POLE2: variants seen among roughly 807,000 people sequenced by gnomAD.
POLE2 encodes the protein DNA polymerase epsilon subunit 2.
Under a neutral mutation model 79.4 loss-of-function variants are expected in POLE2, and 56 were observed. That is an observed-to-expected ratio of 0.71 (90% CI 0.57 to 0.88). The LOEUF is 0.88. POLE2 is among the 40% of genes least tolerant of loss of function. POLE2 has a pLI of 0.00. For synonymous variants in POLE2, 212 were observed against 214.0 expected (o/e 0.99, Z 0.08); for missense variants, 598 against 638.9 (o/e 0.94, Z 0.69).
In POLE2 at chr14:49,646,104, G is replaced by C. The variant is rs1416908300; in HGVS notation, c.1565+1189C>G. ...CAGCGTAGACAAGTGGGCTGGAAAA[G>C]AGCCACAGCGTCTGGCCTCCTTTTT... On this transcript the variant is annotated intron_variant, in intron 18 of 18. Coordinates refer to ENST00000216367, the MANE Select transcript of POLE2 (RefSeq NM_002692.4). 7.9e-5 allele frequency among the ~76,000 whole-genome samples: 12 copies of C among 152,234 alleles called. No homozygotes were observed. In the East Asian group the frequency reaches 2.3e-3, roughly 29 times the overall value.
chr14:49,674,097 T>C lies in POLE2; in HGVS notation c.417+26A>G, dbSNP rs753579328. On this transcript the variant is annotated intron_variant, in intron 5 of 18. Transcript: ENST00000216367. ...TTTTCTCTCATTTTACCCAGTATCCTCCCCTCCGCCCCCTACCAAACTTAC... is the reference window on the plus strand; with the variant it reads ...TTTTCTCTCATTTTACCCAGTATCCCCCCCTCCGCCCCCTACCAAACTTAC... The C allele has an allele frequency of 3.2e-6, 4 of 1,262,320 alleles. No individual in the cohort carries two copies. The Admixed American group carries it at 6.7e-5, about 21-fold the overall frequency. The allele number at this position is 1,262,320 out of a possible 1,614,324, so 78.2% of individuals were successfully genotyped here.
chr14:49,647,507 G>A (rs1295707383), intron 17 of POLE2, 147 bp from the exon 18 acceptor site: 13 of 282,026 alleles, frequency 4.6e-5, no homozygotes, highest in Non-Finnish European at 4.0e-5. Context: ...CACCCAGGCT[G>A]GAGTGCAGTG....
rs375367807 is a variant in POLE2, at chr14:49,674,333, G to A, written c.323+17C>T. ...TACATTTGAAATTAATTTAAAATCA[G>A]TGGATGACATACTTACGGAAGAAAT... On this transcript the variant is annotated intron_variant, in intron 4 of 18. Transcript: ENST00000216367. 72 of 1,547,624 alleles carry A rather than the reference G, an allele frequency of 4.7e-5. No homozygotes were observed. Among genetic ancestry groups the A allele is most frequent in the African/African-American group, 4.4e-4 (32 of 73,476 alleles).
chr14:49,665,682 T>G (rs1443497897), intron 7 of POLE2, among the ~76,000 whole-genome samples: 1 of 150,278 alleles, frequency 6.7e-6, no homozygotes, highest in African/African-American at 2.4e-5. Context: ...TCTGGGTTTT[T>G]TTTTTTTTTT....
intron 18 of POLE2, among the ~76,000 whole-genome samples, chr14:49,644,957 G>A (rs1004865139): frequency 1.3e-5 from 2 of 150,564 alleles, no homozygotes; most frequent in African/African-American, 2.4e-5. Context: ...CAGGAGAATC[G>A]CTTGAACCCA....
At chr14:49,649,213 C>G (rs1884009205) in intron 17 of POLE2, among the ~76,000 whole-genome samples, 1 of 125,274 alleles carries the variant, frequency 8.0e-6, no homozygotes, top group Non-Finnish European at 1.6e-5. Context: ...GTGGCGCGAT[C>G]TTGGCTCACT....
chr14:49,646,628 T>C lies in POLE2; in HGVS notation c.1565+665A>G, dbSNP rs535462960. On this transcript the variant is annotated intron_variant, in intron 18 of 18. Transcript: ENST00000216367. ...GAGCCACCGTGCCCTGCCTGGGCAC[T>C]TGTTCTTAACCAGTGGTGGGAACTT... The C allele has an allele frequency of 2.0e-5, 3 of 152,326 alleles. 1 individual carries two copies. In the South Asian group the frequency reaches 6.2e-4, roughly 32 times the overall value. 9.4% of individuals were successfully genotyped at this position (152,326 alleles called of 1,614,324 possible).
Position 49,650,359 on chromosome 14 carries a change from G to T in POLE2, c.1403C>A (p.Ala468Asp), listed in dbSNP as rs61981149. 2 of 1,609,804 alleles carry T rather than the reference G, an allele frequency of 1.2e-6. No homozygotes were observed. The highest frequency in any genetic ancestry group is 1.7e-6 in the Non-Finnish European group (2 of 1,177,102). ...VCPVYWAYDY[A>D]LRVYPVPDLL... ...ATCGGGCACAGGATACACTCTCAAA[G>T]CATAGTCATATGCCCAATACACTGG... The change falls in exon 17 of 19, where the codon GCT (alanine) becomes GAT (aspartate). Residue 468 changes from alanine to aspartate, a missense_variant. Physicochemically the swap from Ala to Asp is moderately radical, Grantham distance 126. Transcript: ENST00000216367.
intron 5 of POLE2, among the ~76,000 whole-genome samples, chr14:49,673,155 C>G (rs1416876834): frequency 6.6e-6 from 1 of 152,102 alleles, no homozygotes. Context: ...TGCCCTCATT[C>G]TACACCCCTT....
intron 10 of POLE2, among the ~76,000 whole-genome samples, chr14:49,659,364 A>T (rs1156997674): frequency 1.3e-5 from 2 of 152,056 alleles, no homozygotes; most frequent in Admixed American, 1.3e-4. Context: ...TAATCATATC[A>T]CTGCATTCCA....
Position 49,645,413 on chromosome 14 carries a change from A to G in POLE2, c.1566-1743T>C, listed in dbSNP as rs1883693788. The stretch of plus-strand genomic sequence containing the variant: ...GGCTTCTTAGGAGAAACTAAGTGGC[A>G]AGAAGGCCAGATTATTTCAATATAT... On this transcript the variant is annotated intron_variant, in intron 18 of 18. Transcript: ENST00000216367. Among the ~76,000 whole-genome samples, 3 of 152,378 alleles carry G rather than the reference A, an allele frequency of 2.0e-5. No homozygotes were observed. The South Asian group carries it at 6.2e-4, about 32-fold the overall frequency.
At chr14:49,649,363 GT>G (rs2139606348) in intron 17 of POLE2, among the ~76,000 whole-genome samples, 2 of 151,038 alleles carry the variant, frequency 1.3e-5, no homozygotes, top group East Asian at 3.9e-4. Flanking sequence ...AGCCAGGATG[GT>G]CTCGATCTCC....
intron 13 of POLE2, 126 bp downstream of exon 13, chr14:49,654,658 C>T (rs1884518215): frequency 1.8e-6 from 2 of 1,125,666 alleles, no homozygotes; most frequent in Non-Finnish European, 2.4e-6. Flanking sequence ...TCTCTTAGTT[C>T]TTTTAATTTT....
intron 10 of POLE2, among the ~76,000 whole-genome samples, chr14:49,662,294 C>G (rs1885152321): frequency 6.6e-6 from 1 of 152,244 alleles, no homozygotes; most frequent in Admixed American, 6.5e-5. Context: ...CATACTAAAA[C>G]TAAAATCCTT....
Position 49,664,661 on chromosome 14 carries a change from C to G in POLE2, c.647G>C (p.Gly216Ala), listed in dbSNP as rs920066811. ...GACAAAGCATGCCTCTGTGTATAAA[C>G]CACTATGGAACTGGTACACAACAGT... The part of the protein sequence containing the change: ...LDLSKAQFHS[G>A]LYTEACFVLA... Residue 216 changes from glycine to alanine, a missense_variant, in exon 9 of 19, where the codon GGT becomes GCT. Transcript: ENST00000216367. 9 of 1,591,180 alleles carry G rather than the reference C, an allele frequency of 5.7e-6. No individual in the cohort carries two copies. Among genetic ancestry groups the G allele is most frequent in the Non-Finnish European group, 7.8e-6 (9 of 1,159,438 alleles).
chr14:49,666,236 A>C lies in POLE2; in HGVS notation c.576+94T>G, dbSNP rs552905346. 27 of 688,090 alleles carry C rather than the reference A, an allele frequency of 3.9e-5. No homozygotes were observed. The South Asian group carries it at 4.2e-4, about 11-fold the overall frequency. 42.6% of individuals were successfully genotyped at this position (688,090 alleles called of 1,614,324 possible). On this transcript the variant is annotated intron_variant, in intron 7 of 18. Coordinates refer to ENST00000216367, the MANE Select transcript of POLE2 (RefSeq NM_002692.4). ...TTGGTGAGGCGAGTTTTCAATAAAG[A>C]ATACATTCCTGTGCCCACTACAAAA...
chr14:49,654,079 A>G lies in POLE2; in HGVS notation c.1134-12T>C. 5 of 1,591,710 alleles carry G rather than the reference A, an allele frequency of 3.1e-6. No homozygotes were observed. Among genetic ancestry groups the G allele is most frequent in the Non-Finnish European group, 4.3e-6 (5 of 1,160,828 alleles). ...CAGCAAGTGGTGGCCTATAAAAACA[A>G]TTTATGTGATATAGTTTATCTTTTT... On this transcript the variant is annotated splice_polypyrimidine_tract_variant and intron_variant, in intron 14 of 18. Transcript: ENST00000216367.
intron 3 of POLE2, among the ~76,000 whole-genome samples, chr14:49,675,096 T>C (rs963484949): frequency 1.3e-5 from 2 of 151,984 alleles, no homozygotes; most frequent in Admixed American, 1.3e-4. Flanking sequence ...GTATTTTTTT[T>C]TTTTTGAGAC....
At chr14:49,688,004 T>C (rs991691076) in intron 1 of POLE2, 132 bp downstream of exon 1, 2 of 741,584 alleles carry the variant, frequency 2.7e-6, no homozygotes, top group Admixed American at 4.9e-5. Flanking sequence ...GACCGCTTCT[T>C]AGAACTCTGA....
Sources: gnomAD v4.1 joint callset for allele counts (sites outside exome capture counted in the v4.1 genomes callset) on GRCh38, gnomAD v4.1.1 for gene constraint, MANE v1.5 for transcripts, NCBI Gene and HGNC (gene_info 2026-07-23, HGNC 2026-07-21) for gene names.